Variants in TGFB1I1 observed in about 807,000 individuals in gnomAD.
TGFB1I1 encodes transforming growth factor beta 1 induced transcript 1, also known as transforming growth factor beta-1-induced transcript 1 protein.
TGFB1I1 carries 33 observed loss-of-function variants against 52.0 expected under a neutral mutation model. The ratio of observed to expected loss-of-function variants is 0.63; its 90% CI spans 0.48 to 0.85. The LOEUF is 0.85. Ranked by LOEUF, TGFB1I1 falls within the 40% of genes least tolerant of loss-of-function variation. The probability of loss-of-function intolerance (pLI) is 0.00; values close to 1 mark genes in which losing one functional copy is unlikely to be tolerated. For synonymous variants in TGFB1I1, 236 were observed against 253.3 expected (o/e 0.93, Z 0.65); for missense variants, 577 against 614.9 (o/e 0.94, Z 0.65).
At chr16:31,475,181 T>C (rs779275859) in intron 7 of TGFB1I1, 14 of 168,792 alleles carry the variant, frequency 8.3e-5, no homozygotes, top group Non-Finnish European at 1.2e-4. Flanking sequence ...GTTAACCTAG[T>C]GCCCCCTGCT....
intron 7 of TGFB1I1, 81 bp from the exon 8 acceptor site, chr16:31,475,931 C>A: frequency 7.5e-6 from 11 of 1,474,708 alleles, no homozygotes; most frequent in Non-Finnish European, 1.0e-5. Context: ...AGAGAGGACT[C>A]GAAAAACGCC....
chr16:31,475,774 G>A (rs764964202), intron 7 of TGFB1I1: 36 of 476,002 alleles, frequency 7.6e-5, no homozygotes, highest in Non-Finnish European at 1.3e-4. Context: ...GCCCCTAAAT[G>A]TATTGTGGGC....
In TGFB1I1 at chr16:31,477,771, G is replaced by A; in HGVS notation, c.*195G>A. The A allele has an allele frequency of 2.8e-6, 2 of 707,222 alleles. No homozygotes were observed. Among genetic ancestry groups the A allele is most frequent in the Admixed American group, 6.1e-5 (2 of 32,586 alleles). The allele number at this position is 707,222 out of a possible 1,614,324, so 43.8% of individuals were successfully genotyped here. ...ACCTAAACCCACACGCCCACAAAGTGGATTGCACACAGACAAGAACTCCCG... is the reference window on the plus strand; with the variant it reads ...ACCTAAACCCACACGCCCACAAAGTAGATTGCACACAGACAAGAACTCCCG... On this transcript the variant is annotated 3_prime_UTR_variant, in exon 11 of 11. Transcript: ENST00000394863. This position sits in a 1 kb window ranked among gnomAD's most constrained non-coding sequence, Gnocchi z 4.7.
Position 31,473,936 on chromosome 16 carries a change from G to A in TGFB1I1, c.284G>A (p.Arg95Gln), listed in dbSNP as rs749523072. ...GGTACCGGGCTCTGTGAGCTAGATC[G>A]GTTGCTTCAGGAACTTAATGCCACT... ...VLGTGLCELD[R>Q]LLQELNATQF... The change falls in exon 4 of 11, where the codon CGG (arginine) becomes CAG (glutamine). Residue 95 changes from arginine to glutamine, a missense_variant. Transcript: ENST00000394863. 1.2e-6 allele frequency: 2 copies of A among 1,614,104 alleles called. No individual in the cohort carries two copies. The highest frequency in any genetic ancestry group is 1.6e-4 in the Middle Eastern group (1 of 6,062).
In TGFB1I1 at chr16:31,476,804, T is replaced by C. The variant is rs2082426903; in HGVS notation, c.971-58T>C. The C allele has an allele frequency of 6.2e-7, 1 of 1,603,700 alleles. No individual in the cohort carries two copies. Among genetic ancestry groups the C allele is most frequent in the East Asian group, 2.3e-5 (1 of 44,104 alleles). On this transcript the variant is annotated intron_variant, in intron 9 of 10. Coordinates refer to ENST00000394863, the MANE Select transcript of TGFB1I1 (RefSeq NM_001042454.3). The surrounding 1 kb of genome is among the most constrained non-coding windows in gnomAD (Gnocchi z 7.6). ...CTTCGGCCCCAGATCTCAGGTCTTG[T>C]GGGTCCCCCGTCCCGCCCGCACCCT...
rs1379591674 is a variant in TGFB1I1 at position 31,472,183 on chromosome 16, C to A, written c.-6C>A. On this transcript the variant is annotated 5_prime_UTR_variant, in exon 1 of 11. Transcript: ENST00000394863. ...TTCGCCCCGCGCCACCGGCCCGCGC[C>A]CCGCCATGGAGGACCTGGGTGAGTG... The A allele has an allele frequency of 1.4e-6, 2 of 1,480,096 alleles. No homozygotes were observed. Among genetic ancestry groups the A allele is most frequent in the Admixed American group, 2.1e-5 (1 of 48,460 alleles). The allele number at this position is 1,480,096 out of a possible 1,614,324, so 91.7% of individuals were successfully genotyped here. A position where few individuals can be genotyped will look rare whatever the true frequency, so the allele number is the denominator to read the frequency against.
Position 31,476,856 on chromosome 16 carries a change from T to C in TGFB1I1, c.971-6T>C. The C allele has an allele frequency of 1.2e-6, 2 of 1,611,828 alleles. No homozygotes were observed. The highest frequency in any genetic ancestry group is 1.3e-5 in the African/African-American group (1 of 75,024). Reference sequence around the variant, plus strand: ...TGCTTTCAGCCCACTCGGTTCCCTCTCCTAGGTTTCCACGAGCGCGAGGGC... The same window carrying C: ...TGCTTTCAGCCCACTCGGTTCCCTCCCCTAGGTTTCCACGAGCGCGAGGGC... On this transcript the variant is annotated splice_polypyrimidine_tract_variant and splice_region_variant and intron_variant, in intron 9 of 10. Coordinates refer to ENST00000394863, the MANE Select transcript of TGFB1I1 (RefSeq NM_001042454.3). This position sits in a 1 kb window ranked among gnomAD's most constrained non-coding sequence, Gnocchi z 7.6.
chr16:31,473,973 C>T lies in TGFB1I1; in HGVS notation c.321C>T (p.Ile107=), dbSNP rs1184796640. Residue 107 remains isoleucine (I), a synonymous_variant, in exon 4 of 11, where the codon ATC becomes ATT. Transcript: ENST00000394863. ...LQELNATQFN[I]TDEIMSQFPS... Reference sequence around the variant, plus strand: ...AACTTAATGCCACTCAGTTCAACATCACAGGTACCAGGGTGACTGAGAGAG... The same window carrying T: ...AACTTAATGCCACTCAGTTCAACATTACAGGTACCAGGGTGACTGAGAGAG... 6.2e-7 allele frequency: 1 copy of T among 1,613,696 alleles called. No homozygotes were observed. Among genetic ancestry groups the T allele is most frequent in the Non-Finnish European group, 8.5e-7 (1 of 1,179,964 alleles).
At position 31,477,623 on chromosome 16, in the gene TGFB1I1, A is replaced by G. The variant is rs776762242; in HGVS notation, c.*47A>G. On this transcript the variant is annotated 3_prime_UTR_variant, in exon 11 of 11. Transcript: ENST00000394863. The surrounding 1 kb of genome is among the most constrained non-coding windows in gnomAD (Gnocchi z 4.7). ...TCCCCCGGAGGCCGCGCCCTCCCGG[A>G]AAAGCCGGGTCCTCCAGACCCCGAG... The G allele has an allele frequency of 1.2e-5, 18 of 1,539,172 alleles. No homozygotes were observed. The highest frequency in any genetic ancestry group is 1.5e-5 in the Non-Finnish European group (17 of 1,147,186).
At chr16:31,473,778 A>G (rs753397708) in intron 3 of TGFB1I1, 44 bp downstream of exon 3, 16 of 1,595,766 alleles carry the variant, frequency 1.0e-5, no homozygotes, top group Non-Finnish European at 1.4e-5. Flanking sequence ...ACTGAGTCTC[A>G]GGTGAGGAGG....
Position 31,477,033 on chromosome 16 carries a change from T to C in TGFB1I1, c.1119+23T>C. 1 of 1,547,666 alleles carries C rather than the reference T, an allele frequency of 6.5e-7. No homozygotes were observed. Among genetic ancestry groups the C allele is most frequent in the Non-Finnish European group, 8.6e-7 (1 of 1,156,520 alleles). ...AGGGTGCGAGCTGCGGGGCGGGGCG[T>C]TGGAGGGGCGGGTCAAGGGTACAGG... On this transcript the variant is annotated intron_variant, in intron 10 of 10. Coordinates refer to ENST00000394863, the MANE Select transcript of TGFB1I1 (RefSeq NM_001042454.3). This position sits in a 1 kb window ranked among gnomAD's most constrained non-coding sequence, Gnocchi z 4.7.
In TGFB1I1 at chr16:31,477,825, G is replaced by A. The variant is rs994898167; in HGVS notation, c.*249G>A. 3.7e-6 allele frequency: 2 copies of A among 534,358 alleles called. No homozygotes were observed. Among genetic ancestry groups the A allele is most frequent in the African/African-American group, 3.9e-5 (2 of 51,476 alleles). 33.1% of individuals were successfully genotyped at this position (534,358 alleles called of 1,614,324 possible). On this transcript the variant is annotated 3_prime_UTR_variant, in exon 11 of 11. Transcript: ENST00000394863. This position sits in a 1 kb window ranked among gnomAD's most constrained non-coding sequence, Gnocchi z 4.7. ...GGGCCTCCACTCTATTCCCACCCTT[G>A]AGGGAGCCCCCTTACTGGGGGAGGG...
Position 31,477,591 on chromosome 16 carries a change from C to A in TGFB1I1, c.*15C>A, listed in dbSNP as rs1459085530. On this transcript the variant is annotated 3_prime_UTR_variant, in exon 11 of 11. Transcript: ENST00000394863. This position sits in a 1 kb window ranked among gnomAD's most constrained non-coding sequence, Gnocchi z 4.7. ...TCTTCGGCTGACAGCCCGCTCGGCT[C>A]GCCCTCTCCCCCGGAGGCCGCGCCC... is the stretch of plus-strand genomic sequence containing the variant. 3.1e-6 allele frequency: 5 copies of A among 1,587,824 alleles called. No individual in the cohort carries two copies. Among genetic ancestry groups the A allele is most frequent in the Non-Finnish European group, 4.3e-6 (5 of 1,168,736 alleles).
Position 31,474,746 on chromosome 16 carries a change from A to G in TGFB1I1, c.703A>G (p.Ile235Val), listed in dbSNP as rs762846575. ...KGLCGSCNKP[I>V]AGQVVTALGR... Reference sequence around the variant, plus strand: ...CCTCTGTGGCTCCTGCAATAAACCTATTGCTGGGCAAGTAAGTGGAGCCTT... The same window carrying G: ...CCTCTGTGGCTCCTGCAATAAACCTGTTGCTGGGCAAGTAAGTGGAGCCTT... The change falls in exon 7 of 11, where the codon ATT (isoleucine) becomes GTT (valine). Residue 235 changes from isoleucine (I) to valine (V), a missense_variant. Transcript: ENST00000394863. The surrounding 1 kb of genome is among the most constrained non-coding windows in gnomAD (Gnocchi z 4.2). The G allele has an allele frequency of 1.1e-5, 17 of 1,607,220 alleles. No homozygotes were observed. Among genetic ancestry groups the G allele is most frequent in the Middle Eastern group, 1.7e-4 (1 of 5,996 alleles).
chr16:31,474,573 C>G lies in TGFB1I1; in HGVS notation c.530C>G (p.Ser177Cys), dbSNP rs1443204221. 1 of 1,608,742 alleles carries G rather than the reference C, an allele frequency of 6.2e-7. No homozygotes were observed. Among genetic ancestry groups the G allele is most frequent in the Non-Finnish European group, 8.5e-7 (1 of 1,176,288 alleles). Residue 177 changes from serine to cysteine, a missense_variant, in exon 7 of 11, where the codon TCT (serine) becomes TGT (cysteine). Ser to Cys is a moderately radical substitution (Grantham distance 112). Transcript: ENST00000394863. The surrounding 1 kb of genome is among the most constrained non-coding windows in gnomAD (Gnocchi z 4.2). ...TCCTCCCCGCTGCAGCTTCCAGCCT[C>G]TGGGCCAACTCAGCCACCGGTGGTG... The part of the protein sequence containing the change: ...DFRVQNHLPA[S>C]GPTQPPVVSS...
Position 31,476,943 on chromosome 16 carries a change from G to T in TGFB1I1, c.1052G>T (p.Gly351Val). 6.2e-7 allele frequency: 1 copy of T among 1,604,714 alleles called. No individual in the cohort carries two copies. Residue 351 changes from glycine to valine, a missense_variant, in exon 10 of 11, where the codon GGC (glycine) becomes GTC (valine). Gly to Val is a moderately radical substitution (Grantham distance 109). Transcript: ENST00000394863. The surrounding 1 kb of genome is among the most constrained non-coding windows in gnomAD (Gnocchi z 7.6). Reference sequence around the variant, plus strand: ...GCCCCGCGCTGCCAGGGCTGCCAGGGCCCCATCCTGGATAACTACATCTCG... The same window carrying T: ...GCCCCGCGCTGCCAGGGCTGCCAGGTCCCCATCCTGGATAACTACATCTCG... Reference protein sequence around the residue: ...LFAPRCQGCQGPILDNYISAL... With the variant: ...LFAPRCQGCQVPILDNYISAL...
chr16:31,473,057 G>T, intron 1 of TGFB1I1: 1 of 341,700 alleles, frequency 2.9e-6, no homozygotes, highest in African/African-American at 2.2e-5. Flanking sequence ...CGGGGCCTGT[G>T]TAGGTAGAGG....
chr16:31,476,099 G>A lies in TGFB1I1; in HGVS notation c.802G>A (p.Glu268Lys). 6.2e-7 allele frequency: 1 copy of A among 1,613,870 alleles called. No individual in the cohort carries two copies. The highest frequency in any genetic ancestry group is 8.5e-7 in the Non-Finnish European group (1 of 1,179,992). Residue 268 changes from glutamate to lysine, a missense_variant, in exon 8 of 11, where the codon GAG (glutamate) becomes AAG (lysine). By Grantham distance (56) the Glu-to-Lys change is moderately conservative. This residue lies in a region of TGFB1I1 where 456 missense variants were observed against 461.6 expected (regional missense o/e 0.99). Transcript: ENST00000394863. This position sits in a 1 kb window ranked among gnomAD's most constrained non-coding sequence, Gnocchi z 7.6. ...CGCCCTGGGAGGCAGCAGCTTCTTCGAGAAGGATGGAGCCCCCTTCTGCCC... is the reference window on the plus strand; with the variant it reads ...CGCCCTGGGAGGCAGCAGCTTCTTCAAGAAGGATGGAGCCCCCTTCTGCCC... ...STALGGSSFF[E>K]KDGAPFCPEC...
At position 31,473,500 on chromosome 16, in the gene TGFB1I1, A is replaced by G; in HGVS notation, c.73A>G (p.Lys25Glu). The change falls in exon 2 of 11, where the codon AAA (lysine) becomes GAA (glutamate). Residue 25 changes from lysine (K) to glutamate (E), a missense_variant. Around this residue, in one of 3 missense-constraint regions of TGFB1I1, gnomAD observed 113 missense variants for 123.9 expected, o/e 0.91. Coordinates refer to ENST00000394863, the MANE Select transcript of TGFB1I1 (RefSeq NM_001042454.3). ...TSHMPRSGAP[K>E]ERPAEPLTPP... ...GCACATGCCAAGGTCAGGGGCTCCC[A>G]AAGAGCGCCCTGCGGAGCCTCTCAC... The G allele has an allele frequency of 5.6e-6, 9 of 1,613,856 alleles. No homozygotes were observed. The highest frequency in any genetic ancestry group is 7.6e-6 in the Non-Finnish European group (9 of 1,180,002).
Sources: allele counts gnomAD v4.1 joint callset, GRCh38; gene constraint gnomAD v4.1.1; regional missense constraint gnomAD v4.1.1; non-coding constraint Gnocchi (gnomAD v3.1); transcripts MANE v1.5; gene names NCBI Gene and HGNC (gene_info 2026-07-23, HGNC 2026-07-21).